Variants in UTRN observed in about 807,000 individuals in gnomAD.
The protein encoded by UTRN is utrophin.
UTRN carries 283 observed loss-of-function variants against 463.9 expected under a neutral mutation model. The ratio of observed to expected loss-of-function variants is 0.61; its 90% CI spans 0.55 to 0.67. The LOEUF is 0.67. Among genes scored for constraint, UTRN ranks in the 30% least tolerant of loss-of-function variants. The pLI is 0.00. For missense variants in UTRN, 3,922 were observed against 4,084.3 expected, an observed-to-expected ratio of 0.96 and a Z score of 1.08; for synonymous variants, 1,442 against 1,431.5, an observed-to-expected ratio of 1.01 and a Z score of -0.17.
At chr6:144,549,978 C>T (rs1273245595) in intron 47 of UTRN, among the ~76,000 whole-genome samples, 3 of 152,146 alleles carry the variant, frequency 2.0e-5, no homozygotes, top group East Asian at 3.8e-4. Context: ...TCATGATAAC[C>T]GTGCTCTGCT....
Position 144,575,033 on chromosome 6 carries a change from C to T in UTRN, c.7290-2066C>T, listed in dbSNP as rs73600191. Among the ~76,000 whole-genome samples, 1,213 of 152,272 alleles carry T rather than the reference C, an allele frequency of 8.0e-3. 22 individuals are homozygous for T. The highest frequency in any genetic ancestry group is 0.027 in the African/African-American group (1,106 of 41,564). ...GCAATGTATGAGAGTTGCAGTTACT[C>T]CACATTCCTGCCAACCCTTGGTATA... is the stretch of plus-strand genomic sequence containing the variant. On this transcript the variant is annotated intron_variant, in intron 50 of 74. Transcript: ENST00000367545.
intron 3 of UTRN, among the ~76,000 whole-genome samples, chr6:144,409,617 T>C (rs1438384705): frequency 6.6e-6 from 1 of 151,842 alleles, no homozygotes; most frequent in Non-Finnish European, 1.5e-5. Flanking sequence ...TGCTGAGAGG[T>C]AGTGGTTGAG....
chr6:144,464,757 C>T lies in UTRN; in HGVS notation c.3066+1891C>T, dbSNP rs573231060. 2.9e-3 allele frequency among the ~76,000 whole-genome samples: 448 copies of T among 152,244 alleles called. 1 individual carries two copies. The highest frequency in any genetic ancestry group is 7.2e-3 in the Admixed American group (110 of 15,290). On this transcript the variant is annotated intron_variant, in intron 23 of 74. Transcript: ENST00000367545. The stretch of plus-strand genomic sequence containing the variant: ...TCAGGTGATCCACCCTCCTCGGCCT[C>T]CCAAAATGCTAGGATTACAGACATG...
intron 60 of UTRN, among the ~76,000 whole-genome samples, chr6:144,776,412 C>G (rs896713479): frequency 6.6e-6 from 1 of 152,180 alleles, no homozygotes; most frequent in Non-Finnish European, 1.5e-5. Context: ...GGCTGTCTCT[C>G]ATTATGTGCA....
In UTRN at chr6:144,417,577, A is replaced by G. The variant is rs1373095700; in HGVS notation, c.142-4301A>G. On this transcript the variant is annotated intron_variant, in intron 3 of 74. Transcript: ENST00000367545. The stretch of plus-strand genomic sequence containing the variant: ...ATGTCTAAGAACATTTCATATTTCT[A>G]CTGCCTGTTTCCGTATGGCCTATGA... Among the ~76,000 whole-genome samples the G allele has an allele frequency of 2.0e-5, 3 of 152,354 alleles. No individual in the cohort carries two copies. In the East Asian group the frequency reaches 5.8e-4, roughly 29 times the overall value.
intron 51 of UTRN, among the ~76,000 whole-genome samples, chr6:144,587,961 A>T (rs1469170369): frequency 6.6e-6 from 1 of 152,128 alleles, no homozygotes; most frequent in Non-Finnish European, 1.5e-5. Context: ...AAACTGTGTG[A>T]AGGTTGAGGT....
chr6:144,390,540 G>T (rs1225673925), intron 2 of UTRN, among the ~76,000 whole-genome samples: 1 of 152,148 alleles, frequency 6.6e-6, no homozygotes, highest in African/African-American at 2.4e-5. Context: ...ACTGCAGCCT[G>T]TTCCAAAATT....
chr6:144,340,177 G>GA (rs924375709), intron 2 of UTRN, among the ~76,000 whole-genome samples: 15 of 150,830 alleles, frequency 9.9e-5, no homozygotes, highest in Non-Finnish European at 1.3e-4. Flanking sequence ...CGTCTCAAGA[G>GA]AAAAAAAAAG....
chr6:144,314,356 A>G (rs1243196069), intron 2 of UTRN, among the ~76,000 whole-genome samples: 2 of 152,180 alleles, frequency 1.3e-5, no homozygotes, highest in Admixed American at 6.5e-5. Context: ...TCCACTCCCT[A>G]GAGCTGGCCA....
At chr6:144,608,630 G>A (rs2222744) in intron 51 of UTRN, among the ~76,000 whole-genome samples, 170 of 152,280 alleles carry the variant, frequency 1.1e-3, no homozygotes, top group Admixed American at 3.4e-3. Context: ...GTTTCTACAG[G>A]GGGAAAAGTG....
intron 65 of UTRN, among the ~76,000 whole-genome samples, chr6:144,805,735 C>T (rs1440223678): frequency 1.3e-5 from 2 of 151,950 alleles, no homozygotes; most frequent in African/African-American, 4.8e-5. Flanking sequence ...TGTACAACTG[C>T]ATAAGTGCAA....
At chr6:144,644,477 A>G (rs1243262641) in intron 51 of UTRN, among the ~76,000 whole-genome samples, 2 of 152,226 alleles carry the variant, frequency 1.3e-5, no homozygotes, top group African/African-American at 4.8e-5. Context: ...AACTGTTAAT[A>G]TCATAATAAT....
intron 21 of UTRN, among the ~76,000 whole-genome samples, 165 bp downstream of exon 21, chr6:144,459,519 T>C (rs530635692): frequency 6.6e-6 from 1 of 152,340 alleles, no homozygotes; most frequent in South Asian, 2.1e-4. Context: ...TTCAGATTCT[T>C]TTCCAGATTC....
chr6:144,838,937 T>G (rs117816885), intron 71 of UTRN: 5 of 401,556 alleles, frequency 1.2e-5, no homozygotes, highest in African/African-American at 1.0e-4. Context: ...ATAAAAATGG[T>G]GTTGATAAAT....
intron 9 of UTRN, among the ~76,000 whole-genome samples, chr6:144,433,801 T>C (rs1380062959): frequency 1.4e-5 from 2 of 141,060 alleles, no homozygotes; most frequent in African/African-American, 2.7e-5. Flanking sequence ...CGGGAAGAGG[T>C]GCTCCTCACT....
chr6:144,385,140 G>A (rs1374140825), intron 2 of UTRN, among the ~76,000 whole-genome samples: 2 of 152,168 alleles, frequency 1.3e-5, no homozygotes, highest in Non-Finnish European at 2.9e-5. Context: ...TAATTCTAGT[G>A]TTCCTAAAAG....
rs1782557954 is a variant in UTRN, at chr6:144,852,817, T to C, written c.*1820T>C. On this transcript the variant is annotated 3_prime_UTR_variant, in exon 75 of 75. Transcript: ENST00000367545. ...AATTTTTTTTCTGCCTGTATTTGTA[T>C]GCAAAATGTCCTCTATCTGCTATTA... 1 of 152,630 alleles carries C rather than the reference T, an allele frequency of 6.6e-6. No individual in the cohort carries two copies. The highest frequency in any genetic ancestry group is 6.5e-5 in the Admixed American group (1 of 15,282). 9.5% of individuals were successfully genotyped at this position (152,630 alleles called of 1,614,324 possible).
At chr6:144,677,747 C>A (rs1781789004) in intron 51 of UTRN, among the ~76,000 whole-genome samples, 1 of 152,194 alleles carries the variant, frequency 6.6e-6, no homozygotes, top group Middle Eastern at 3.2e-3. Flanking sequence ...TAAAAGCATT[C>A]CAATTTCACC....
chr6:144,389,638 G>A (rs1359020557), intron 2 of UTRN, among the ~76,000 whole-genome samples: 1 of 151,014 alleles, frequency 6.6e-6, no homozygotes, highest in Non-Finnish European at 1.5e-5. Context: ...TGGCTGTGTT[G>A]CCCAGGCTGG....
Sources: gnomAD v4.1 joint callset for allele counts (sites outside exome capture counted in the v4.1 genomes callset) on GRCh38, gnomAD v4.1.1 for gene constraint, MANE v1.5 for transcripts, NCBI Gene and HGNC (gene_info 2026-07-23, HGNC 2026-07-21) for gene names.